PTPRT: variants seen among roughly 807,000 people sequenced by gnomAD.
PTPRT encodes receptor-type tyrosine-protein phosphatase T.
A neutral mutation model predicts 176.8 loss-of-function variants in PTPRT; 56 were observed. The observed-to-expected ratio is 0.32, with a 90% CI of 0.26 to 0.40. The LOEUF (loss-of-function observed/expected upper bound fraction) is 0.40, where lower values mean the gene tolerates loss of function less well. Among genes scored for constraint, PTPRT ranks in the 10% least tolerant of loss-of-function variants. The pLI is 1.00. For synonymous variants in PTPRT, 783 were observed against 739.0 expected (o/e 1.06, Z -0.96); for missense variants, 1,540 against 1,908.2 (o/e 0.81, Z 3.60).
At chr20:42,173,633 A>T (rs2146553182) in intron 16 of PTPRT, among the ~76,000 whole-genome samples, 1 of 152,254 alleles carries the variant, frequency 6.6e-6, no homozygotes, top group East Asian at 1.9e-4. Context: ...AGAGCAACAG[A>T]TGTTTAGTAG....
At chr20:42,676,563 C>T (rs1024533996) in intron 7 of PTPRT, among the ~76,000 whole-genome samples, 4 of 144,752 alleles carry the variant, frequency 2.8e-5, no homozygotes, top group Non-Finnish European at 1.5e-5. Context: ...CTCTCTCTCT[C>T]TTTTATTCAT....
downstream of PTPRT, among the ~76,000 whole-genome samples, chr20:42,072,464 T>C (rs906533991): frequency 2.0e-5 from 3 of 152,228 alleles, no homozygotes; most frequent in East Asian, 1.9e-4. Context: ...TAGGAATCTG[T>C]ATGTTTAACA....
At chr20:43,118,728 G>A (rs574882710) in intron 1 of PTPRT, among the ~76,000 whole-genome samples, 55 of 152,260 alleles carry the variant, frequency 3.6e-4, no homozygotes, top group Non-Finnish European at 1.9e-4. Flanking sequence ...GTGAGCCACC[G>A]CACCTGGCCA....
chr20:42,084,772 G>A lies in PTPRT; in HGVS notation c.4046C>T (p.Ser1349Phe). The A allele has an allele frequency of 6.4e-7, 1 of 1,561,768 alleles. No homozygotes were observed. The highest frequency in any genetic ancestry group is 8.7e-7 in the Non-Finnish European group (1 of 1,150,016). ...GACCACTTTGAGCAGAGAGCGCTTG[G>A]AGGGGGGCGTGTCCCGGTAGGCAGG... ...GWPAYRDTPPSKRSLLKVVRR... is the reference protein window; with the variant it reads ...GWPAYRDTPPFKRSLLKVVRR... Residue 1349 changes from serine to phenylalanine, a missense_variant, in exon 29 of 31, where the codon TCC (serine) becomes TTC (phenylalanine). Ser to Phe is a radical substitution (Grantham distance 155, BLOSUM62 -2). Coordinates refer to ENST00000373187, the MANE Select transcript of PTPRT (RefSeq NM_007050.6).
rs182429579 is a variant in PTPRT at position 42,488,691 on chromosome 20, G to A, written c.1154-16129C>T. ...TAATAAAATCAACCAAGTGCCAGGC[G>A]CAGTGGCTCATGCCTGTAATCCCAG... On this transcript the variant is annotated intron_variant, in intron 7 of 30. Coordinates refer to ENST00000373187, the MANE Select transcript of PTPRT (RefSeq NM_007050.6). Among the ~76,000 whole-genome samples, 694 of 148,768 alleles carry A rather than the reference G, an allele frequency of 4.7e-3. 10 individuals carry two copies. The highest frequency in any genetic ancestry group is 0.017 in the African/African-American group (653 of 38,288).
At position 42,161,489 on chromosome 20, in the gene PTPRT, G is replaced by C; in HGVS notation, c.2545C>G (p.Pro849Ala). 1.2e-6 allele frequency: 2 copies of C among 1,612,994 alleles called. No individual in the cohort carries two copies. The highest frequency in any genetic ancestry group is 1.7e-6 in the Non-Finnish European group (2 of 1,179,680). Residue 849 changes from proline to alanine, a missense_variant, in exon 17 of 31, where the codon CCC (proline) becomes GCC (alanine). Around this residue, in one of 11 missense-constraint regions of PTPRT, gnomAD observed 255 missense variants for 250.1 expected, o/e 1.02. Transcript: ENST00000373187. ...SQPTLTIQTH[P>A]YRTCDPVEMS... ...TCCACAGGGTCACAGGTGCGGTAGG[G>C]ATGAGTCTGGATCGTGAGGGTGGGC...
At chr20:42,536,539 T>G (rs2072479095) in intron 7 of PTPRT, among the ~76,000 whole-genome samples, 1 of 152,188 alleles carries the variant, frequency 6.6e-6, no homozygotes, top group Non-Finnish European at 1.5e-5. Flanking sequence ...TTTACCATTA[T>G]TCACTTTATG....
intron 7 of PTPRT, among the ~76,000 whole-genome samples, chr20:42,489,648 C>G (rs1437593729): frequency 6.6e-6 from 1 of 152,022 alleles, no homozygotes; most frequent in Non-Finnish European, 1.5e-5. Context: ...GTTGGGTTGT[C>G]TCACTGTTTC....
intron 7 of PTPRT, among the ~76,000 whole-genome samples, chr20:42,538,301 C>T (rs1200007214): frequency 6.6e-6 from 1 of 152,128 alleles, no homozygotes; most frequent in Non-Finnish European, 1.5e-5. Context: ...GGTTCCTTTT[C>T]CAAGTCTTCT....
chr20:43,041,173 A>C (rs1266529785), intron 1 of PTPRT, among the ~76,000 whole-genome samples: 1 of 152,196 alleles, frequency 6.6e-6, no homozygotes, highest in Non-Finnish European at 1.5e-5. Context: ...AGCTTAAATG[A>C]CTTGCTTCAG....
intron 1 of PTPRT, among the ~76,000 whole-genome samples, chr20:43,028,289 A>G (rs1357745460): frequency 6.6e-6 from 1 of 152,084 alleles, no homozygotes; most frequent in Non-Finnish European, 1.5e-5. Flanking sequence ...ACTGCAAGAC[A>G]CAAGCACACC....
chr20:42,641,048 G>A (rs2074735826), intron 7 of PTPRT, among the ~76,000 whole-genome samples: 1 of 152,070 alleles, frequency 6.6e-6, no homozygotes, highest in Non-Finnish European at 1.5e-5. Context: ...ATTCCACTAA[G>A]TGGATGGTCA....
At chr20:42,611,554 T>C (rs1005194431) in intron 7 of PTPRT, among the ~76,000 whole-genome samples, 4 of 147,340 alleles carry the variant, frequency 2.7e-5, no homozygotes, top group African/African-American at 1.1e-4. Context: ...CCCACTTCCC[T>C]GTATCCCAGT....
At chr20:42,568,417 G>A (rs914709821) in intron 7 of PTPRT, among the ~76,000 whole-genome samples, 2 of 152,080 alleles carry the variant, frequency 1.3e-5, no homozygotes, top group Non-Finnish European at 2.9e-5. Context: ...GAGGAGCAGA[G>A]AGAACAAGTG....
intron 7 of PTPRT, among the ~76,000 whole-genome samples, chr20:42,662,296 G>A (rs6016864): frequency 0.43 from 65,198 of 151,824 alleles, 14,747 homozygotes; most frequent in African/African-American, 0.57. Flanking sequence ...AAGTACCAAA[G>A]GCTCCAATTT....
At chr20:42,101,231 G>C (rs1337395510) in intron 26 of PTPRT, among the ~76,000 whole-genome samples, 1 of 152,194 alleles carries the variant, frequency 6.6e-6, no homozygotes. Context: ...TTGCAGGGAG[G>C]CTCAAGAAAT....
chr20:42,751,051 G>A (rs1369406135), intron 6 of PTPRT, among the ~76,000 whole-genome samples: 2 of 152,120 alleles, frequency 1.3e-5, no homozygotes, highest in African/African-American at 4.8e-5. Flanking sequence ...CCTCACATTA[G>A]GCAGCATCTT....
At chr20:42,145,237 C>T (rs1285640664) in intron 17 of PTPRT, among the ~76,000 whole-genome samples, 1 of 152,182 alleles carries the variant, frequency 6.6e-6, no homozygotes, top group East Asian at 1.9e-4. Flanking sequence ...CGCAGTGGCT[C>T]ACGCCTGTAA....
chr20:42,712,721 A>G (rs2076163503), intron 6 of PTPRT, among the ~76,000 whole-genome samples: 1 of 152,244 alleles, frequency 6.6e-6, no homozygotes, highest in Admixed American at 6.5e-5. Context: ...TACATCCCCT[A>G]TGGAGAATAA....
Sources: gnomAD v4.1 joint callset for allele counts (sites outside exome capture counted in the v4.1 genomes callset) on GRCh38, gnomAD v4.1.1 for gene constraint, gnomAD v4.1.1 regional missense constraint, MANE v1.5 for transcripts, NCBI Gene and HGNC (gene_info 2026-07-23, HGNC 2026-07-21) for gene names.